Variants in CRACDL observed in about 807,000 individuals in gnomAD.
CRACDL encodes the protein CRACD like, also known as CRACD-like protein.
In CRACDL, 26 loss-of-function variants were observed where a neutral mutation model predicts 70.6. The ratio of observed to expected loss-of-function variants is 0.37; its 90% CI spans 0.27 to 0.51. The LOEUF (loss-of-function observed/expected upper bound fraction) is 0.51. Ranked by LOEUF, CRACDL falls within the 20% of genes least tolerant of loss-of-function variation. CRACDL has a pLI of 0.94. For synonymous variants in CRACDL, 618 were observed against 615.2 expected (o/e 1.00, Z -0.07); for missense variants, 1,283 against 1,376.9 (o/e 0.93, Z 1.08).
At chr2:98,868,042 T>A (rs769373885) in intron 1 of CRACDL, among the ~76,000 whole-genome samples, 1 of 152,174 alleles carries the variant, frequency 6.6e-6, no homozygotes, top group Non-Finnish European at 1.5e-5. Context: ...CTGGCCCATA[T>A]AAAATGGGCA....
intron 2 of CRACDL, among the ~76,000 whole-genome samples, chr2:98,846,260 G>C (rs1706248175): frequency 6.6e-6 from 1 of 152,178 alleles, no homozygotes; most frequent in Non-Finnish European, 1.5e-5. Context: ...CAGCTCAGCA[G>C]ACAACATACT....
chr2:98,891,376 C>CAAAAAAAAAAAAAAAAAAAAAAAAAAAAA (rs548988640), intron 1 of CRACDL, among the ~76,000 whole-genome samples: 5 of 37,900 alleles, frequency 1.3e-4, no homozygotes, highest in Non-Finnish European at 2.1e-4. Flanking sequence ...GACTCCGTCT[C>CAAAAAAAAAAAAAAAAAAAAAAAAAAAAA]AAAAAAAAAA....
intron 1 of CRACDL, among the ~76,000 whole-genome samples, chr2:98,895,028 T>A (rs915582859): frequency 3.9e-5 from 6 of 152,142 alleles, no homozygotes; most frequent in Non-Finnish European, 5.9e-5. Flanking sequence ...GGAGGATCAC[T>A]TGAGCCTGGG....
intron 2 of CRACDL, among the ~76,000 whole-genome samples, chr2:98,840,213 T>C (rs910035398): frequency 1.3e-5 from 2 of 152,208 alleles, no homozygotes; most frequent in Non-Finnish European, 2.9e-5. Flanking sequence ...TTCATTATTG[T>C]TTGGTCAAAA....
chr2:98,914,515 A>T (rs564162314), intron 1 of CRACDL, among the ~76,000 whole-genome samples: 17 of 152,342 alleles, frequency 1.1e-4, no homozygotes, highest in African/African-American at 4.1e-4. Context: ...CTAAGATTAC[A>T]TGGCTGGATA....
chr2:98,881,314 G>A (rs1290463029), intron 1 of CRACDL, among the ~76,000 whole-genome samples: 1 of 152,188 alleles, frequency 6.6e-6, no homozygotes, highest in Non-Finnish European at 1.5e-5. Context: ...GGTCGGAGAT[G>A]CAGACACTCA....
Position 98,823,890 on chromosome 2 carries a change from A to G in CRACDL, c.736-353T>C, listed in dbSNP as rs1299441082. 2.6e-5 allele frequency among the ~76,000 whole-genome samples: 4 copies of G among 152,162 alleles called. No homozygotes were observed. The highest frequency in any genetic ancestry group is 4.4e-5 in the Non-Finnish European group (3 of 68,034). ...CACTTGTTATTTCATTTAATCTTCC[A>G]TTCATCCCAGTGAGGAAGGGATGAT... On this transcript the variant is annotated intron_variant, in intron 6 of 9. Coordinates refer to ENST00000397899, the MANE Select transcript of CRACDL (RefSeq NM_207362.3). The surrounding 1 kb of genome is among the most constrained non-coding windows in gnomAD (Gnocchi z 4.0).
At chr2:98,809,792 T>G (rs1451117343) in intron 7 of CRACDL, 6 of 152,228 alleles carry the variant, frequency 3.9e-5, no homozygotes, top group African/African-American at 1.4e-4. Flanking sequence ...GAGATGAGAA[T>G]ATTTTAGTAC....
chr2:98,804,446 C>A (rs2104416505), intron 7 of CRACDL, among the ~76,000 whole-genome samples: 1 of 152,338 alleles, frequency 6.6e-6, no homozygotes, highest in South Asian at 2.1e-4. Context: ...TGCAGGGCAG[C>A]AAAACATTTG....
chr2:98,843,628 T>G (rs1361695139), intron 2 of CRACDL, among the ~76,000 whole-genome samples: 1 of 152,238 alleles, frequency 6.6e-6, no homozygotes, highest in African/African-American at 2.4e-5. Context: ...ATATTATCTT[T>G]TATCCAATGA....
intron 1 of CRACDL, among the ~76,000 whole-genome samples, chr2:98,933,386 C>T (rs911546709): frequency 5.3e-5 from 8 of 152,186 alleles, no homozygotes; most frequent in Non-Finnish European, 7.3e-5. Context: ...CTGACTCCCA[C>T]CAGGGACGAA....
intron 7 of CRACDL, among the ~76,000 whole-genome samples, chr2:98,812,779 T>C (rs1051028924): frequency 1.3e-5 from 2 of 152,122 alleles, no homozygotes; most frequent in African/African-American, 4.8e-5. Context: ...TTATAGGATA[T>C]GTAGTTTGCC....
intron 1 of CRACDL, among the ~76,000 whole-genome samples, chr2:98,854,279 C>CAAAAAAAAA (rs1229198569): frequency 9.4e-4 from 50 of 53,356 alleles, no homozygotes; most frequent in East Asian, 1.9e-3. Context: ...GACTCTGTCT[C>CAAAAAAAAA]AAAAAAAAAA....
chr2:98,846,728 T>C lies in CRACDL; in HGVS notation c.70+3A>G. 1.2e-6 allele frequency: 2 copies of C among 1,613,680 alleles called. No homozygotes were observed. Among genetic ancestry groups the C allele is most frequent in the South Asian group, 2.2e-5 (2 of 91,076 alleles). On this transcript the variant is annotated splice_donor_region_variant and intron_variant, in intron 2 of 9. Coordinates refer to ENST00000397899, the MANE Select transcript of CRACDL (RefSeq NM_207362.3). ...CCCCAGAGCAGGGGAAGCAGGGCCT[T>C]ACCTGTGCTGTCCTCCCCAAGGCCT...
chr2:98,880,742 C>A (rs2104615150), intron 1 of CRACDL, among the ~76,000 whole-genome samples: 1 of 152,326 alleles, frequency 6.6e-6, no homozygotes, highest in South Asian at 2.1e-4. Flanking sequence ...TGGAGCCAAA[C>A]TCAACCCAGA....
intron 7 of CRACDL, among the ~76,000 whole-genome samples, chr2:98,817,158 A>G (rs1704815188): frequency 6.6e-6 from 1 of 152,232 alleles, no homozygotes; most frequent in Non-Finnish European, 1.5e-5. Flanking sequence ...AGTCAAATTC[A>G]TACAATTGAA....
intron 1 of CRACDL, among the ~76,000 whole-genome samples, chr2:98,892,720 T>A (rs188085298): frequency 1.2e-3 from 185 of 152,152 alleles, no homozygotes; most frequent in African/African-American, 3.5e-3. Flanking sequence ...AAAATTTTTT[T>A]AAAAATGATC....
intron 1 of CRACDL, among the ~76,000 whole-genome samples, chr2:98,866,475 C>CTTTTT (rs1173322192): frequency 0.011 from 465 of 43,180 alleles, 40 homozygotes; most frequent in Admixed American, 0.025. Context: ...ATCACTTCTT[C>CTTTTT]TTTTTTTTTT....
chr2:98,797,210 G>C (rs534236644), intron 8 of CRACDL, 140 bp downstream of exon 8: 2 of 782,314 alleles, frequency 2.6e-6, no homozygotes, highest in Admixed American at 5.0e-5. Flanking sequence ...ATTGGCTCTC[G>C]ACCACACATC....
Sources: gnomAD v4.1 joint callset for allele counts (sites outside exome capture counted in the v4.1 genomes callset) on GRCh38, gnomAD v4.1.1 for gene constraint, Gnocchi (gnomAD v3.1) non-coding constraint, MANE v1.5 for transcripts, NCBI Gene and HGNC (gene_info 2026-07-23, HGNC 2026-07-21) for gene names.